PTPRD: variants seen among roughly 807,000 people sequenced by gnomAD.
PTPRD encodes the protein protein tyrosine phosphatase receptor type D, also known as receptor-type tyrosine-protein phosphatase delta.
In PTPRD, 34 loss-of-function variants were observed where a neutral mutation model predicts 214.5. The observed-to-expected ratio is 0.16, with a 90% CI of 0.12 to 0.21. The LOEUF (loss-of-function observed/expected upper bound fraction) is 0.21, where lower values mean the gene tolerates loss of function less well. Among genes scored for constraint, PTPRD ranks in the 10% least tolerant of loss-of-function variants. The probability of loss-of-function intolerance (pLI) is 1.00; values close to 1 mark genes in which losing one functional copy is unlikely to be tolerated. For synonymous variants in PTPRD, 1,128 were observed against 845.7 expected (o/e 1.33, Z -5.79); for missense variants, 2,545 against 2,398.7 (o/e 1.06, Z -1.27).
At chr9:9,703,184 T>G (rs531659977) in intron 7 of PTPRD, among the ~76,000 whole-genome samples, 1 of 152,232 alleles carries the variant, frequency 6.6e-6, no homozygotes, top group South Asian at 2.1e-4. Context: ...CCTCACACAC[T>G]CTTGCTCTCT....
intron 9 of PTPRD, among the ~76,000 whole-genome samples, chr9:9,204,495 G>A (rs999743603): frequency 4.6e-5 from 7 of 152,110 alleles, no homozygotes; most frequent in African/African-American, 1.7e-4. Context: ...TAGCCTCTAA[G>A]CATTACCGGG....
At chr9:8,735,702 G>C (rs975245047) in intron 11 of PTPRD, among the ~76,000 whole-genome samples, 1 of 152,006 alleles carries the variant, frequency 6.6e-6, no homozygotes, top group African/African-American at 2.4e-5. Flanking sequence ...TTGAGGCCAG[G>C]AGTTCAAGAC....
At chr9:10,060,235 C>G (rs145933141) in intron 3 of PTPRD, among the ~76,000 whole-genome samples, 1 of 151,768 alleles carries the variant, frequency 6.6e-6, no homozygotes, top group East Asian at 1.9e-4. Flanking sequence ...TGCGTTATAA[C>G]GTTAAATTGA....
intron 2 of PTPRD, among the ~76,000 whole-genome samples, chr9:10,469,585 T>C (rs1461074677): frequency 6.6e-6 from 1 of 152,116 alleles, no homozygotes; most frequent in Non-Finnish European, 1.5e-5. Flanking sequence ...ATAGCCATTA[T>C]GAAAAACAGT....
intron 4 of PTPRD, among the ~76,000 whole-genome samples, chr9:9,961,671 G>A (rs1476207568): frequency 6.6e-6 from 1 of 152,124 alleles, no homozygotes; most frequent in East Asian, 1.9e-4. Flanking sequence ...CAGGATGCTG[G>A]CAACACTGAG....
intron 9 of PTPRD, among the ~76,000 whole-genome samples, chr9:9,381,211 T>C (rs1359630323): frequency 2.6e-5 from 4 of 152,286 alleles, no homozygotes; most frequent in Admixed American, 1.3e-4. Context: ...GTTGTTTTAA[T>C]ACTATTAAAT....
intron 10 of PTPRD, among the ~76,000 whole-genome samples, chr9:9,086,358 G>T (rs1207043436): frequency 1.3e-5 from 2 of 152,124 alleles, no homozygotes; most frequent in East Asian, 3.9e-4. Flanking sequence ...GCAGCCTATT[G>T]TGTCATGCCA....
At chr9:10,028,272 C>A (rs963981170) in intron 4 of PTPRD, among the ~76,000 whole-genome samples, 2 of 152,180 alleles carry the variant, frequency 1.3e-5, no homozygotes, top group African/African-American at 4.8e-5. Flanking sequence ...GTCTATTAAA[C>A]CTTTTTCTTT....
At chr9:9,885,521 G>C (rs538101561) in intron 5 of PTPRD, among the ~76,000 whole-genome samples, 1 of 152,104 alleles carries the variant, frequency 6.6e-6, no homozygotes, top group Non-Finnish European at 1.5e-5. Context: ...CATGGCAAAC[G>C]GACTTTGCAG....
At chr9:10,241,805 C>G (rs1411640984) in intron 3 of PTPRD, among the ~76,000 whole-genome samples, 1 of 151,746 alleles carries the variant, frequency 6.6e-6, no homozygotes, top group African/African-American at 2.4e-5. Flanking sequence ...CAAACATATC[C>G]AACTGTACAC....
Position 9,703,435 on chromosome 9 carries a change from G to C in PTPRD, c.-287+31098C>G, listed in dbSNP as rs141231475. ...CATTAAACCTCCAGTAATCAAAGTG[G>C]GGTTTACATGGCAGAAACATTACAT... is the stretch of plus-strand genomic sequence containing the variant. On this transcript the variant is annotated intron_variant, in intron 7 of 45. Coordinates refer to ENST00000381196, the MANE Select transcript of PTPRD (RefSeq NM_002839.4). Among the ~76,000 whole-genome samples, 569 of 152,112 alleles carry C rather than the reference G, an allele frequency of 3.7e-3. 3 individuals carry two copies. The highest frequency in any genetic ancestry group is 0.013 in the African/African-American group (542 of 41,494).
chr9:9,269,502 G>C (rs1941862417), intron 9 of PTPRD, among the ~76,000 whole-genome samples: 1 of 151,268 alleles, frequency 6.6e-6, no homozygotes, highest in South Asian at 2.1e-4. Flanking sequence ...CCCACTTCTG[G>C]GCACATCTCC....
At position 8,564,608 on chromosome 9, in the gene PTPRD, G is replaced by C. The variant is rs148581752; in HGVS notation, c.353-35829C>G. On this transcript the variant is annotated intron_variant, in intron 14 of 45. Transcript: ENST00000381196. ...TCCCGCTACTCAGGGGCTGAGGCAGGAGAATTGTTTGAACTTAGGAGGCGG... is the reference window on the plus strand; with the variant it reads ...TCCCGCTACTCAGGGGCTGAGGCAGCAGAATTGTTTGAACTTAGGAGGCGG... Among the ~76,000 whole-genome samples, 1,419 of 152,272 alleles carry C rather than the reference G, an allele frequency of 9.3e-3. 7 individuals are homozygous for C. Among genetic ancestry groups the C allele is most frequent in the Non-Finnish European group, 0.014 (925 of 68,022 alleles).
chr9:8,437,112 C>T (rs2095382775), intron 34 of PTPRD: 1 of 909,880 alleles, frequency 1.1e-6, no homozygotes, highest in Non-Finnish European at 1.6e-6. Context: ...AATAAGAAAA[C>T]AGACACTGAG....
At chr9:9,970,462 G>GAAAAAGAAAAAA (rs536995239) in intron 4 of PTPRD, among the ~76,000 whole-genome samples, 4 of 144,454 alleles carry the variant, frequency 2.8e-5, no homozygotes, top group African/African-American at 1.1e-4. Context: ...AAAAGAAAAA[G>GAAAAAGAAAAAA]AAAAAAAAAA....
intron 9 of PTPRD, among the ~76,000 whole-genome samples, chr9:9,282,285 G>A (rs1187309146): frequency 6.6e-6 from 1 of 151,104 alleles, no homozygotes; most frequent in Non-Finnish European, 1.5e-5. Context: ...CCATTCTGTT[G>A]GGGGATGTTG....
chr9:8,652,758 C>T (rs914308148), intron 12 of PTPRD, among the ~76,000 whole-genome samples: 10 of 152,056 alleles, frequency 6.6e-5, no homozygotes, highest in Non-Finnish European at 1.5e-4. Flanking sequence ...TTAGTGTCCA[C>T]AGATCATGAT....
rs1554950034 is a variant in PTPRD, at chr9:10,248,533, A to AAC, written c.-545+92429_-545+92430insGT. 2.6e-3 allele frequency among the ~76,000 whole-genome samples: 335 copies of AAC among 127,390 alleles called. 22 individuals are homozygous for AAC. The highest frequency in any genetic ancestry group is 9.3e-3 in the African/African-American group (281 of 30,342). The allele number at this position is 127,390 out of a possible 152,430, so 83.6% of individuals were successfully genotyped here. A position where few individuals can be genotyped will look rare whatever the true frequency, so the allele number is the denominator to read the frequency against. On this transcript the variant is annotated intron_variant, in intron 3 of 45. Transcript: ENST00000381196. ...TAGCAAAAAAAAAAAAAAATAAAAA[A>AAC]AATAAAGCGAGAAACCAAAATGATA... is the stretch of plus-strand genomic sequence containing the variant.
At chr9:9,754,226 T>C (rs181513736) in intron 6 of PTPRD, among the ~76,000 whole-genome samples, 1 of 152,188 alleles carries the variant, frequency 6.6e-6, no homozygotes, top group Non-Finnish European at 1.5e-5. Context: ...ACAGGGACTA[T>C]CTTTAATATG....
Sources: allele counts gnomAD v4.1 joint callset (sites outside exome capture counted in the v4.1 genomes callset), GRCh38; gene constraint gnomAD v4.1.1; transcripts MANE v1.5; gene names NCBI Gene and HGNC (gene_info 2026-07-23, HGNC 2026-07-21).